PDZD2: variants seen among roughly 807,000 people sequenced by gnomAD.
PDZD2 encodes PDZ domain containing 2, also known as PDZ domain-containing protein 2.
Under a neutral mutation model 220.7 loss-of-function variants are expected in PDZD2, and 90 were observed. The ratio of observed to expected loss-of-function variants is 0.41; its 90% confidence interval spans 0.34 to 0.49. The LOEUF (loss-of-function observed/expected upper bound fraction) is 0.49. PDZD2 is among the 20% of genes least tolerant of loss of function. PDZD2 has a pLI of 0.28. For missense variants in PDZD2, 3,174 were observed against 3,608.5 expected, an observed-to-expected ratio of 0.88 and a Z score of 3.08; for synonymous variants, 1,375 against 1,450.5, an observed-to-expected ratio of 0.95 and a Z score of 1.18.
Position 32,108,010 on chromosome 5 carries a change from G to A in PDZD2, c.8395G>A (p.Glu2799Lys). 2 of 1,613,144 alleles carry A rather than the reference G, an allele frequency of 1.2e-6. No homozygotes were observed. Among genetic ancestry groups the A allele is most frequent in the Non-Finnish European group, 1.7e-6 (2 of 1,179,142 alleles). ...EQAGIIEAGD[E>K]ILAINGKPLV... Reference sequence around the variant, plus strand: ...AGCTGGAATAATAGAAGCTGGAGATGAAATTCTTGCTATTAATGGGAAACC... The same window carrying A: ...AGCTGGAATAATAGAAGCTGGAGATAAAATTCTTGCTATTAATGGGAAACC... Residue 2799 changes from glutamate (E) to lysine (K), a missense_variant, in exon 25 of 25, where the codon GAA becomes AAA. By Grantham distance (56) the Glu-to-Lys change is moderately conservative (BLOSUM62 1). Around this residue, in one of 4 missense-constraint regions of PDZD2, gnomAD observed 631 missense variants for 789.9 expected, o/e 0.80. Transcript: ENST00000438447.
At chr5:32,072,117 T>C (rs756891531) in intron 16 of PDZD2, 44 bp from the exon 17 acceptor site, 2 of 1,425,610 alleles carry the variant, frequency 1.4e-6, no homozygotes, top group South Asian at 2.4e-5. Flanking sequence ...AAAGTCTGCT[T>C]CTGCTGTGTT....
intron 2 of PDZD2, among the ~76,000 whole-genome samples, chr5:31,944,369 T>C (rs1255408317): frequency 1.3e-5 from 2 of 152,054 alleles, no homozygotes; most frequent in African/African-American, 2.4e-5. Context: ...CTGGGGGATC[T>C]TGATAAAATG....
chr5:31,867,540 C>G (rs1738341455), intron 2 of PDZD2, among the ~76,000 whole-genome samples: 1 of 152,164 alleles, frequency 6.6e-6, no homozygotes, highest in African/African-American at 2.4e-5. Flanking sequence ...ATCGGTGCTG[C>G]TTCTGGTTTG....
intron 2 of PDZD2, among the ~76,000 whole-genome samples, chr5:31,842,306 T>C (rs1313919034): frequency 1.3e-5 from 2 of 152,216 alleles, no homozygotes; most frequent in Admixed American, 6.5e-5. Context: ...TCATTCTAGC[T>C]CACAACACCT....
intron 2 of PDZD2, among the ~76,000 whole-genome samples, chr5:31,972,376 A>C (rs184103684): frequency 1.4e-3 from 217 of 152,178 alleles, no homozygotes; most frequent in Admixed American, 3.1e-3. Flanking sequence ...AGTCTCCCCA[A>C]GTGCTGGGAT....
At chr5:31,744,749 A>G (rs2150170506) in intron 1 of PDZD2, among the ~76,000 whole-genome samples, 1 of 152,330 alleles carries the variant, frequency 6.6e-6, no homozygotes, top group East Asian at 1.9e-4. Flanking sequence ...TAATCATGCT[A>G]AAAAGAATTT....
At position 31,723,248 on chromosome 5, in the gene PDZD2, AT is replaced by A. The variant is rs760507797; in HGVS notation, c.-360-75640del. 7.2e-5 allele frequency among the ~76,000 whole-genome samples: 11 copies of A among 152,372 alleles called. No homozygotes were observed. The South Asian group carries it at 8.3e-4, about 11-fold the overall frequency. The stretch of plus-strand genomic sequence containing the variant: ...ATTACTAACACCAAAACTGAAAAAA[AT>A]AATCCTTTAAAAAGAATCATTTCTC... On this transcript the variant is annotated intron_variant, in intron 1 of 24. Coordinates refer to ENST00000438447, the MANE Select transcript of PDZD2 (RefSeq NM_178140.4).
chr5:31,670,000 T>G (rs150749142), intron 1 of PDZD2, among the ~76,000 whole-genome samples: 47 of 152,306 alleles, frequency 3.1e-4, no homozygotes, highest in Admixed American at 9.1e-4. Context: ...AATGTTCCCA[T>G]TTTACAGGTG....
At chr5:31,870,437 G>A (rs1017887609) in intron 2 of PDZD2, among the ~76,000 whole-genome samples, 7 of 152,148 alleles carry the variant, frequency 4.6e-5, no homozygotes, top group African/African-American at 1.7e-4. Context: ...CTCAGTCAGT[G>A]CTGGTTTGGA....
chr5:31,958,935 G>A (rs1394121479), intron 2 of PDZD2, among the ~76,000 whole-genome samples: 1 of 148,182 alleles, frequency 6.7e-6, no homozygotes, highest in African/African-American at 2.5e-5. Context: ...TAAAGCACTC[G>A]ATTGATTGAT....
chr5:31,691,411 G>A (rs914932359), intron 1 of PDZD2, among the ~76,000 whole-genome samples: 2 of 136,958 alleles, frequency 1.5e-5, no homozygotes, highest in African/African-American at 7.4e-5. Context: ...CCCGTAGAGT[G>A]GAAGGGGGCC....
At chr5:31,899,414 T>C (rs1256027337) in intron 2 of PDZD2, among the ~76,000 whole-genome samples, 2 of 152,300 alleles carry the variant, frequency 1.3e-5, no homozygotes, top group Admixed American at 6.5e-5. Flanking sequence ...ATTACAGGCA[T>C]GAGCCAGTGC....
At chr5:31,822,590 T>C in intron 2 of PDZD2, 4 of 1,194,438 alleles carry the variant, frequency 3.3e-6, no homozygotes, top group Non-Finnish European at 4.8e-6. Flanking sequence ...GTTCGTTTTT[T>C]CAGAGACATA....
At chr5:31,724,325 G>A (rs888550631) in intron 1 of PDZD2, among the ~76,000 whole-genome samples, 5 of 152,222 alleles carry the variant, frequency 3.3e-5, no homozygotes, top group East Asian at 3.9e-4. Flanking sequence ...CTAAAAGGCC[G>A]GGCGCAGTGG....
At chr5:31,881,765 G>C (rs972903731) in intron 2 of PDZD2, among the ~76,000 whole-genome samples, 1 of 151,442 alleles carries the variant, frequency 6.6e-6, no homozygotes, top group African/African-American at 2.4e-5. Context: ...ACTCAGGCTG[G>C]AGTGCAGTGG....
At position 32,088,630 on chromosome 5, in the gene PDZD2, C is replaced by T. The variant is rs565015392; in HGVS notation, c.5182C>T (p.Pro1728Ser). 1.2e-5 allele frequency: 19 copies of T among 1,614,116 alleles called. No homozygotes were observed. In the East Asian group the frequency reaches 4.2e-4, roughly 36 times the overall value. ...FHSPPIILSS[P>S]NMVNGLEHDL... ...CAGTCCGCCCATCATTCTCAGCTCCCCCAACATGGTAAATGGCTTGGAACA... is the reference window on the plus strand; with the variant it reads ...CAGTCCGCCCATCATTCTCAGCTCCTCCAACATGGTAAATGGCTTGGAACA... Residue 1728 changes from proline to serine, a missense_variant, in exon 20 of 25, where the codon CCC (proline) becomes TCC (serine). This residue lies in a region of PDZD2 where 1,861 missense variants were observed against 2,001.0 expected (regional missense o/e 0.93). Transcript: ENST00000438447. This position sits in a 1 kb window ranked among gnomAD's most constrained non-coding sequence, Gnocchi z 4.6.
intron 14 of PDZD2, among the ~76,000 whole-genome samples, chr5:32,065,747 G>A (rs908143495): frequency 1.3e-5 from 2 of 152,180 alleles, no homozygotes; most frequent in Non-Finnish European, 2.9e-5. Context: ...AAACCAGGCC[G>A]GGCTCTGTGG....
At chr5:31,760,527 G>A (rs1279868269) in intron 1 of PDZD2, among the ~76,000 whole-genome samples, 2 of 152,168 alleles carry the variant, frequency 1.3e-5, no homozygotes, top group African/African-American at 4.8e-5. Context: ...GTGGATTGTA[G>A]AGCAATAGAA....
chr5:31,872,651 A>G (rs1738922806), intron 2 of PDZD2, among the ~76,000 whole-genome samples: 1 of 152,148 alleles, frequency 6.6e-6, no homozygotes. Flanking sequence ...TATTGTAGCC[A>G]TTTAGTTGTG....
Sources: allele counts gnomAD v4.1 joint callset (sites outside exome capture counted in the v4.1 genomes callset), GRCh38; gene constraint gnomAD v4.1.1; regional missense constraint gnomAD v4.1.1; non-coding constraint Gnocchi (gnomAD v3.1); transcripts MANE v1.5; gene names NCBI Gene and HGNC (gene_info 2026-07-23, HGNC 2026-07-21).